The following DPF3 variants were observed in gnomAD, a reference collection of about 807,000 sequenced individuals.
The protein encoded by DPF3 is double PHD fingers 3, also known as zinc finger protein DPF3.
A neutral mutation model predicts 56.8 loss-of-function variants in DPF3; 18 were observed. That is an observed-to-expected ratio of 0.32 (90% CI 0.22 to 0.47). The LOEUF (loss-of-function observed/expected upper bound fraction) is 0.47, where lower values mean the gene tolerates loss of function less well. DPF3 is among the 20% of genes least tolerant of loss of function. DPF3 has a pLI of 1.00. For missense variants in DPF3, 403 were observed against 488.8 expected (o/e 0.82, Z 1.65); for synonymous variants, 188 against 180.2 (o/e 1.04, Z -0.35).
chr14:72,627,103 T>C (rs1454180253), intron 9 of DPF3, among the ~76,000 whole-genome samples: 2 of 152,068 alleles, frequency 1.3e-5, no homozygotes, highest in African/African-American at 4.8e-5. Context: ...TTCCTCCCAG[T>C]TTGTCAGTTG....
chr14:72,858,240 G>A (rs1458985940), intron 1 of DPF3, among the ~76,000 whole-genome samples: 1 of 150,616 alleles, frequency 6.6e-6, no homozygotes. Flanking sequence ...CCTGGGAGGC[G>A]GAGGTTGCAG....
Position 72,731,773 on chromosome 14 carries a change from C to T in DPF3, c.429+34G>A, listed in dbSNP as rs1296790436. On this transcript the variant is annotated intron_variant, in intron 4 of 10. Coordinates refer to ENST00000556509, the MANE Select transcript of DPF3 (RefSeq NM_001280542.3). ...TCTGGAAGCGCTATGGTGACAGGAA[C>T]ACTCTGTGGGGTCCCCAGCAGGTGT... 3.7e-6 allele frequency: 6 copies of T among 1,612,050 alleles called. No individual in the cohort carries two copies. In the South Asian group the frequency reaches 6.6e-5, roughly 18 times the overall value.
intron 1 of DPF3, chr14:72,773,751 AG>A (rs1891640031): frequency 2.2e-6 from 1 of 444,840 alleles, no homozygotes. Flanking sequence ...TATTTGACTT[AG>A]CATAATATCC....
intron 3 of DPF3, among the ~76,000 whole-genome samples, chr14:72,746,866 C>T (rs796083433): frequency 7.2e-5 from 11 of 152,354 alleles, no homozygotes; most frequent in African/African-American, 2.6e-4. Flanking sequence ...TATGGCAAAC[C>T]GCTAGCCCTA....
intron 1 of DPF3, among the ~76,000 whole-genome samples, chr14:72,885,146 G>A (rs1886493082): frequency 6.7e-6 from 1 of 148,352 alleles, no homozygotes; most frequent in Non-Finnish European, 1.5e-5. Context: ...AACAGGAAGG[G>A]GGATATGAGG....
chr14:72,827,563 C>T (rs572253475), intron 1 of DPF3, among the ~76,000 whole-genome samples: 1 of 148,308 alleles, frequency 6.7e-6, no homozygotes, highest in Admixed American at 6.8e-5. Flanking sequence ...GCAACCTCCG[C>T]CTCCCAAGTT....
At chr14:72,770,270 G>A (rs529388431) in intron 2 of DPF3, among the ~76,000 whole-genome samples, 1 of 152,140 alleles carries the variant, frequency 6.6e-6, no homozygotes, top group Non-Finnish European at 1.5e-5. Context: ...AAATCCTTCT[G>A]GGAAACCCTA....
At chr14:72,861,355 A>T (rs1252361106) in intron 1 of DPF3, among the ~76,000 whole-genome samples, 1 of 152,102 alleles carries the variant, frequency 6.6e-6, no homozygotes, top group Non-Finnish European at 1.5e-5. Context: ...TATTTAATTC[A>T]TTTGCTTAGT....
At chr14:72,847,724 C>T (rs1193636394) in intron 1 of DPF3, among the ~76,000 whole-genome samples, 2 of 152,092 alleles carry the variant, frequency 1.3e-5, no homozygotes, top group Non-Finnish European at 2.9e-5. Flanking sequence ...GTTGGCCAAG[C>T]TAGTCTTAAA....
Position 72,728,890 on chromosome 14 carries a change from G to A in DPF3, c.429+2917C>T, listed in dbSNP as rs76374697. On this transcript the variant is annotated intron_variant, in intron 4 of 10. Coordinates refer to ENST00000556509, the MANE Select transcript of DPF3 (RefSeq NM_001280542.3). Reference sequence around the variant, plus strand: ...AGAACAAGAAAAGCAGAGTGGAATCGGGAGGCAGGGGCAGTCAGGGCAAGG... The same window carrying A: ...AGAACAAGAAAAGCAGAGTGGAATCAGGAGGCAGGGGCAGTCAGGGCAAGG... 8.2e-3 allele frequency among the ~76,000 whole-genome samples: 1,244 copies of A among 152,204 alleles called. 13 individuals are homozygous for A. The highest frequency in any genetic ancestry group is 0.045 in the South Asian group (216 of 4,814).
rs1162450285 is a variant in DPF3, at chr14:72,693,067, G to A, written c.742+9C>T. The A allele has an allele frequency of 1.9e-6, 3 of 1,613,890 alleles. No individual in the cohort carries two copies. Among genetic ancestry groups the A allele is most frequent in the Admixed American group, 1.7e-5 (1 of 60,016 alleles). ...CTTCACTGCCCCAACCTAACAAGTA[G>A]GCACTCACGCCTGTGGTTCTCATTT... is the stretch of plus-strand genomic sequence containing the variant. On this transcript the variant is annotated intron_variant, in intron 7 of 10. Coordinates refer to ENST00000556509, the MANE Select transcript of DPF3 (RefSeq NM_001280542.3).
intron 7 of DPF3, chr14:72,679,348 TGCACAAAA>T (rs1196104275): frequency 2.6e-5 from 4 of 152,418 alleles, no homozygotes; most frequent in African/African-American, 9.6e-5. Context: ...CCTTGGCACG[TGCACAAAA>T]GCATGGCCTC....
chr14:72,812,323 C>A (rs1201680189), intron 1 of DPF3, among the ~76,000 whole-genome samples: 2 of 152,196 alleles, frequency 1.3e-5, no homozygotes, highest in Non-Finnish European at 1.5e-5. Context: ...TAGCGAGGAG[C>A]TGGAAAGAAT....
intron 8 of DPF3, among the ~76,000 whole-genome samples, chr14:72,656,104 C>T (rs1886054997): frequency 6.6e-6 from 1 of 152,180 alleles, no homozygotes; most frequent in Admixed American, 6.5e-5. Context: ...TTAAGTGACC[C>T]CTAATTCTTT....
At chr14:72,888,406 C>T (rs1312731667) in intron 1 of DPF3, among the ~76,000 whole-genome samples, 1 of 152,166 alleles carries the variant, frequency 6.6e-6, no homozygotes, top group Non-Finnish European at 1.5e-5. Flanking sequence ...TCCATTCATC[C>T]ATATGGTTTG....
chr14:72,773,463 T>C (rs1891624698), intron 1 of DPF3, among the ~76,000 whole-genome samples: 1 of 152,134 alleles, frequency 6.6e-6, no homozygotes, highest in Admixed American at 6.5e-5. Flanking sequence ...AAAATACACA[T>C]AACATAAAAT....
At chr14:72,838,961 C>T (rs1483616625) in intron 1 of DPF3, among the ~76,000 whole-genome samples, 1 of 114,626 alleles carries the variant, frequency 8.7e-6, no homozygotes, top group African/African-American at 3.7e-5. Flanking sequence ...CTCGCTGTTG[C>T]CCAGGCTGGA....
intron 1 of DPF3, among the ~76,000 whole-genome samples, chr14:72,869,119 C>A (rs1290400413): frequency 6.6e-6 from 1 of 152,218 alleles, no homozygotes; most frequent in East Asian, 1.9e-4. Context: ...ATGCACAGGA[C>A]CTTGGCACAT....
rs45447694 is a variant in DPF3, at chr14:72,610,547, G to A, written c.*8750C>T. ...ATGTCTTGGCTGTCAGAGAAATTGA[G>A]CTTACAAATTGCCCTCACCCTGAAC... On this transcript the variant is annotated 3_prime_UTR_variant, in exon 11 of 11. Transcript: ENST00000556509. 1.5e-3 allele frequency among the ~76,000 whole-genome samples: 230 copies of A among 152,386 alleles called. 3 individuals are homozygous for A. Among genetic ancestry groups the A allele is most frequent in the Middle Eastern group, 0.014 (4 of 294 alleles).
Sources: allele counts gnomAD v4.1 joint callset (sites outside exome capture counted in the v4.1 genomes callset), GRCh38; gene constraint gnomAD v4.1.1; transcripts MANE v1.5; gene names NCBI Gene and HGNC (gene_info 2026-07-23, HGNC 2026-07-21).